PHACTR1: variants seen among roughly 807,000 people sequenced by gnomAD.
The protein encoded by PHACTR1 is phosphatase and actin regulator 1, also known as RPEL repeat containing 1.
Under a neutral mutation model 69.2 loss-of-function variants are expected in PHACTR1, and 16 were observed. That is an observed-to-expected ratio of 0.23 (90% CI 0.16 to 0.35). The LOEUF (loss-of-function observed/expected upper bound fraction) is 0.35, where lower values mean the gene tolerates loss of function less well. Ranked by LOEUF, PHACTR1 falls within the 10% of genes least tolerant of loss-of-function variation. The pLI is 1.00. For synonymous variants in PHACTR1, 312 were observed against 284.5 expected (o/e 1.10, Z -0.97); for missense variants, 510 against 734.7 (o/e 0.69, Z 3.54).
intron 10 of PHACTR1, among the ~76,000 whole-genome samples, chr6:13,241,076 G>A (rs1772770341): frequency 6.6e-6 from 1 of 152,150 alleles, no homozygotes; most frequent in Non-Finnish European, 1.5e-5. Context: ...ATGTTGAACA[G>A]AGCTTCCCTC....
intron 5 of PHACTR1, among the ~76,000 whole-genome samples, chr6:13,068,730 G>T (rs1809047066): frequency 6.6e-6 from 1 of 152,144 alleles, no homozygotes; most frequent in African/African-American, 2.4e-5. Flanking sequence ...AAACACAATG[G>T]CCACTGAGGA....
intron 4 of PHACTR1, among the ~76,000 whole-genome samples, chr6:13,030,910 C>T (rs542015641): frequency 8.5e-5 from 13 of 152,330 alleles, no homozygotes; most frequent in Admixed American, 7.2e-4. Flanking sequence ...TGGGCCAGAT[C>T]ATTCTTTACT....
intron 8 of PHACTR1, among the ~76,000 whole-genome samples, chr6:13,226,537 C>G (rs181335903): frequency 3.3e-5 from 5 of 152,226 alleles, no homozygotes; most frequent in Admixed American, 2.6e-4. Context: ...AATTCCACTT[C>G]CAGTTAATCT....
At chr6:12,911,059 C>T (rs2127495648) in intron 4 of PHACTR1, among the ~76,000 whole-genome samples, 1 of 152,296 alleles carries the variant, frequency 6.6e-6, no homozygotes, top group East Asian at 1.9e-4. Context: ...CCCAAGGTGT[C>T]CAATCACAAC....
chr6:13,210,387 GC>G (rs1766632396), intron 8 of PHACTR1, among the ~76,000 whole-genome samples: 1 of 152,136 alleles, frequency 6.6e-6, no homozygotes, highest in South Asian at 2.1e-4. Context: ...GTTATTTACA[GC>G]TTTGGCTCAC....
intron 4 of PHACTR1, among the ~76,000 whole-genome samples, chr6:13,039,299 C>T (rs1281136516): frequency 1.3e-5 from 2 of 152,188 alleles, no homozygotes; most frequent in Admixed American, 6.5e-5. Flanking sequence ...TGACCATTTA[C>T]TCCTCTTGCA....
At chr6:12,875,864 C>T (rs1247821635) in intron 4 of PHACTR1, among the ~76,000 whole-genome samples, 4 of 152,044 alleles carry the variant, frequency 2.6e-5, no homozygotes, top group East Asian at 1.9e-4. Context: ...GAATCTCCAC[C>T]GTGCTCTTTA....
intron 7 of PHACTR1, among the ~76,000 whole-genome samples, chr6:13,192,893 G>C (rs1027869796): frequency 2.0e-5 from 3 of 152,264 alleles, no homozygotes; most frequent in South Asian, 2.1e-4. Context: ...CTTCATAGCA[G>C]GATACTTGCA....
chr6:12,967,638 T>G (rs1443555129), intron 4 of PHACTR1, among the ~76,000 whole-genome samples: 1 of 151,764 alleles, frequency 6.6e-6, no homozygotes, highest in Non-Finnish European at 1.5e-5. Flanking sequence ...ACAAAGGCTA[T>G]GACAAAGAAA....
intron 4 of PHACTR1, among the ~76,000 whole-genome samples, chr6:12,840,053 G>T (rs1189106350): frequency 1.3e-5 from 2 of 151,974 alleles, no homozygotes; most frequent in Non-Finnish European, 2.9e-5. Flanking sequence ...TCCTGTACTT[G>T]CCCCATCCTT....
At chr6:12,907,842 C>T (rs1462740809) in intron 4 of PHACTR1, among the ~76,000 whole-genome samples, 1 of 152,202 alleles carries the variant, frequency 6.6e-6, no homozygotes, top group Non-Finnish European at 1.5e-5. Context: ...GAAAGATGTC[C>T]AGGTTCCTTC....
At chr6:13,164,095 G>A (rs750673575) in intron 6 of PHACTR1, among the ~76,000 whole-genome samples, 6 of 151,774 alleles carry the variant, frequency 4.0e-5, no homozygotes, top group East Asian at 1.9e-4. Context: ...AATGGCCTTC[G>A]TGTCAGTGTC....
chr6:12,999,120 C>G (rs1305531123), intron 4 of PHACTR1, among the ~76,000 whole-genome samples: 1 of 152,106 alleles, frequency 6.6e-6, no homozygotes, highest in Non-Finnish European at 1.5e-5. Context: ...AACCTTTGCA[C>G]AAGGGTACAA....
intron 7 of PHACTR1, among the ~76,000 whole-genome samples, chr6:13,195,104 A>T (rs1764186770): frequency 6.6e-6 from 1 of 152,162 alleles, no homozygotes; most frequent in Non-Finnish European, 1.5e-5. Context: ...CAGGCGAGTG[A>T]TCATCCCTAG....
At chr6:12,753,101 T>C (rs1224196510) in intron 4 of PHACTR1, among the ~76,000 whole-genome samples, 1 of 152,238 alleles carries the variant, frequency 6.6e-6, no homozygotes, top group East Asian at 1.9e-4. Flanking sequence ...CCCTAAGGAA[T>C]TCAAATGTGT....
intron 4 of PHACTR1, among the ~76,000 whole-genome samples, chr6:12,986,269 TG>T (rs763876573): frequency 7.9e-5 from 12 of 152,236 alleles, no homozygotes; most frequent in Non-Finnish European, 1.3e-4. Context: ...TTTCTTGATC[TG>T]GGTGATGTCT....
chr6:13,258,364 A>AAAG (rs1775479243), intron 10 of PHACTR1, among the ~76,000 whole-genome samples: 1 of 121,406 alleles, frequency 8.2e-6, no homozygotes, highest in African/African-American at 3.4e-5. Flanking sequence ...TAAAAAAAGA[A>AAAG]AAAAAAAAAA....
At chr6:12,794,935 T>A (rs1772782840) in intron 4 of PHACTR1, among the ~76,000 whole-genome samples, 1 of 152,118 alleles carries the variant, frequency 6.6e-6, no homozygotes, top group African/African-American at 2.4e-5. Flanking sequence ...GAGATCACTC[T>A]AGGGGGCTGT....
intron 4 of PHACTR1, among the ~76,000 whole-genome samples, chr6:12,850,137 C>T (rs1779681114): frequency 6.6e-6 from 1 of 152,208 alleles, no homozygotes; most frequent in Admixed American, 6.5e-5. Context: ...CCCTCTTGCC[C>T]TGGGCAAATT....
Sources: allele counts gnomAD v4.1 joint callset (sites outside exome capture counted in the v4.1 genomes callset), GRCh38; gene constraint gnomAD v4.1.1; transcripts MANE v1.5; gene names NCBI Gene and HGNC (gene_info 2026-07-23, HGNC 2026-07-21).